DOK1: variants seen among roughly 807,000 people sequenced by gnomAD.
DOK1 encodes docking protein 1.
DOK1 carries 12 observed loss-of-function variants against 24.0 expected under a neutral mutation model. That is an observed-to-expected ratio of 0.50 (90% CI 0.32 to 0.81). The LOEUF (loss-of-function observed/expected upper bound fraction) is 0.81. Ranked by LOEUF, DOK1 falls within the 30% of genes least tolerant of loss-of-function variation. The pLI, the probability that DOK1 is intolerant of heterozygous loss-of-function variation, is 0.03. For missense variants in DOK1, 591 were observed against 620.7 expected, an observed-to-expected ratio of 0.95 and a Z score of 0.51; for synonymous variants, 250 against 260.9, an observed-to-expected ratio of 0.96 and a Z score of 0.40.
Position 74,556,678 on chromosome 2 carries a change from A to G in DOK1, c.1010A>G (p.Tyr337Cys), listed in dbSNP as rs765715876. The change falls in exon 5 of 5, where the codon TAT becomes TGT. Residue 337 changes from tyrosine to cysteine, a missense_variant. By Grantham distance (194) the Tyr-to-Cys change is radical. Coordinates refer to ENST00000233668, the MANE Select transcript of DOK1 (RefSeq NM_001381.5). This position sits in a 1 kb window ranked among gnomAD's most constrained non-coding sequence, Gnocchi z 4.1. ...GEGVQRKKPL[Y>C]WDLYEHAQQQ... ...GGAGTACAACGGAAGAAACCTCTCTATTGGGACTTGTATGAGCATGCGCAG... is the reference window on the plus strand; with the variant it reads ...GGAGTACAACGGAAGAAACCTCTCTGTTGGGACTTGTATGAGCATGCGCAG... The G allele has an allele frequency of 5.0e-6, 8 of 1,614,234 alleles. No homozygotes were observed. The East Asian group carries it at 8.9e-5, about 18-fold the overall frequency.
Position 74,549,168 on chromosome 2 carries a change from T to G in DOK1, c.-362T>G. The stretch of plus-strand genomic sequence containing the variant: ...GAGCGGGAGCCTCGCTGGTCCCCAT[T>G]TCAGGTACTCCCTTGGGGCACCTTT... On this transcript the variant is annotated 5_prime_UTR_variant, in exon 1 of 5. Transcript: ENST00000409429. This position sits in a 1 kb window ranked among gnomAD's most constrained non-coding sequence, Gnocchi z 5.3. 2.1e-6 allele frequency: 1 copy of G among 484,370 alleles called. No individual in the cohort carries two copies. The highest frequency in any genetic ancestry group is 3.4e-6 in the Non-Finnish European group (1 of 291,424). 30.0% of individuals were successfully genotyped at this position (484,370 alleles called of 1,614,324 possible).
In DOK1 at chr2:74,556,153, G is replaced by C. The variant is rs1677448189; in HGVS notation, c.639+75G>C. ...GGTGGGGCAGGACAGAAAGTGGGAA[G>C]CTCTGACCTTTGGATCCCCCTTTCT... On this transcript the variant is annotated intron_variant, in intron 4 of 4. Coordinates refer to ENST00000233668, the MANE Select transcript of DOK1 (RefSeq NM_001381.5). This position sits in a 1 kb window ranked among gnomAD's most constrained non-coding sequence, Gnocchi z 4.1. The C allele has an allele frequency of 2.0e-6, 3 of 1,532,652 alleles. No individual in the cohort carries two copies. The highest frequency in any genetic ancestry group is 4.2e-5 in the Admixed American group (2 of 48,188). 94.9% of individuals were successfully genotyped at this position (1,532,652 alleles called of 1,614,324 possible).
chr2:74,556,449 G>T lies in DOK1; in HGVS notation c.781G>T (p.Gly261Trp). Residue 261 changes from glycine (G) to tryptophan (W), a missense_variant, in exon 5 of 5, where the codon GGG (glycine) becomes TGG (tryptophan). Gly to Trp is a radical substitution (Grantham distance 184). Coordinates refer to ENST00000233668, the MANE Select transcript of DOK1 (RefSeq NM_001381.5). The surrounding 1 kb of genome is among the most constrained non-coding windows in gnomAD (Gnocchi z 4.1). Reference sequence around the variant, plus strand: ...GAAGGCCCAGGGAAAGGCCGGACAGGGGCACGATGTTCTCAGAGCTGACTC... The same window carrying T: ...GAAGGCCCAGGGAAAGGCCGGACAGTGGCACGATGTTCTCAGAGCTGACTC... Reference protein sequence around the residue: ...RQKAQGKAGQGHDVLRADSHE... With the variant: ...RQKAQGKAGQWHDVLRADSHE... 9.3e-6 allele frequency: 15 copies of T among 1,614,164 alleles called. No homozygotes were observed. The highest frequency in any genetic ancestry group is 1.3e-5 in the Non-Finnish European group (15 of 1,180,036).
Position 74,556,059 on chromosome 2 carries a change from G to T in DOK1, c.620G>T (p.Arg207Leu), listed in dbSNP as rs773437205. Residue 207 changes from arginine to leucine, a missense_variant, in exon 4 of 5, where the codon CGT becomes CTT. By Grantham distance (102) the Arg-to-Leu change is moderately radical. Coordinates refer to ENST00000233668, the MANE Select transcript of DOK1 (RefSeq NM_001381.5). This position sits in a 1 kb window ranked among gnomAD's most constrained non-coding sequence, Gnocchi z 4.1. Reference sequence around the variant, plus strand: ...CTGTCCTGGCCCTACACTCTGTTGCGTCGCTATGGCCGGGACAAGGTGCAG... The same window carrying T: ...CTGTCCTGGCCCTACACTCTGTTGCTTCGCTATGGCCGGGACAAGGTGCAG... ...PLLSWPYTLLRRYGRDKVMFS... is the reference protein window; with the variant it reads ...PLLSWPYTLLLRYGRDKVMFS... 6.3e-7 allele frequency: 1 copy of T among 1,599,604 alleles called. No homozygotes were observed. Among genetic ancestry groups the T allele is most frequent in the African/African-American group, 1.3e-5 (1 of 74,608 alleles).
upstream of DOK1, chr2:74,552,817 C>T: frequency 1.6e-6 from 1 of 617,112 alleles, no homozygotes; most frequent in Non-Finnish European, 2.8e-6. Context: ...GAGAGAAACA[C>T]ATTAAATAAG....
In DOK1 at chr2:74,557,363, A is replaced by C; in HGVS notation, c.*249A>C. On this transcript the variant is annotated 3_prime_UTR_variant, in exon 5 of 5. Transcript: ENST00000233668. ...CATCCCTTCCCTACTTCCCCAAATG[A>C]AGGGACGGCTGTGGGACCAGGTCTG... 2.2e-6 allele frequency: 1 copy of C among 448,062 alleles called. No homozygotes were observed. Among genetic ancestry groups the C allele is most frequent in the Non-Finnish European group, 4.0e-6 (1 of 248,468 alleles). The allele number at this position is 448,062 out of a possible 1,614,324, so 27.8% of individuals were successfully genotyped here. A position where few individuals can be genotyped will look rare whatever the true frequency, so the allele number is the denominator to read the frequency against.
rs765150347 is a variant in DOK1 at position 74,556,538 on chromosome 2, C to G, written c.870C>G (p.Asp290Glu). ...CACCTGGCCCCCAAGAGCTCCTCGA[C>G]AGTCCCCCAGCCCTGTATGCTGAGC... ...PSPPGPQELL[D>E]SPPALYAEPL... The change falls in exon 5 of 5, where the codon GAC becomes GAG. Residue 290 changes from aspartate to glutamate, a missense_variant. Physicochemically the swap from Asp to Glu is conservative, Grantham distance 45 (BLOSUM62 2). Coordinates refer to ENST00000233668, the MANE Select transcript of DOK1 (RefSeq NM_001381.5). The surrounding 1 kb of genome is among the most constrained non-coding windows in gnomAD (Gnocchi z 4.1). The G allele has an allele frequency of 6.2e-7, 1 of 1,614,200 alleles. No homozygotes were observed. The highest frequency in any genetic ancestry group is 8.5e-7 in the Non-Finnish European group (1 of 1,180,038).
chr2:74,549,922 G>A (rs970084980), upstream of DOK1: 3 of 985,338 alleles, frequency 3.0e-6, no homozygotes, highest in African/African-American at 5.2e-5. The surrounding 1 kb of genome is among the most constrained non-coding windows in gnomAD (Gnocchi z 5.3). Context: ...GAACATTTGA[G>A]GAGAAGGAGA....
chr2:74,552,436 C>G, upstream of DOK1: 1 of 1,613,894 alleles, frequency 6.2e-7, no homozygotes, highest in Non-Finnish European at 8.5e-7. Flanking sequence ...CAGATGGTGC[C>G]CCATTCACCA....
rs1285411015 is a variant in DOK1 at position 74,549,496 on chromosome 2, C to G, written c.-358+324C>G. 1 of 1,613,694 alleles carries G rather than the reference C, an allele frequency of 6.2e-7. No homozygotes were observed. On this transcript the variant is annotated intron_variant, in intron 1 of 4. Transcript: ENST00000409429. The surrounding 1 kb of genome is among the most constrained non-coding windows in gnomAD (Gnocchi z 5.3). ...CAGCCGTCAGGAAGCCTGACTTCCA[C>G]CAGCCCCTCCGTCACGGGCAGGGGT...
In DOK1 at chr2:74,555,657, C is replaced by A. The variant is rs1260749504; in HGVS notation, c.443C>A (p.Pro148His). 6.2e-7 allele frequency: 1 copy of A among 1,614,046 alleles called. No individual in the cohort carries two copies. Among genetic ancestry groups the A allele is most frequent in the Non-Finnish European group, 8.5e-7 (1 of 1,179,974 alleles). ...LEMLENSLYS[P>H]TWEGSQFWVT... ...ATGCTGGAGAACTCCTTGTACAGCC[C>A]TACCTGGGAAGGTAGACGCCTCAGA... Residue 148 changes from proline to histidine, a missense_variant, in exon 3 of 5, where the codon CCT becomes CAT. Pro to His is a moderately conservative substitution (Grantham distance 77). Transcript: ENST00000233668. This position sits in a 1 kb window ranked among gnomAD's most constrained non-coding sequence, Gnocchi z 6.1.
chr2:74,556,011 AG>A lies in DOK1; in HGVS notation c.573del (p.Ser192ValfsTer109). The A allele has an allele frequency of 6.2e-7, 1 of 1,613,622 alleles. No individual in the cohort carries two copies. The highest frequency in any genetic ancestry group is 8.5e-7 in the Non-Finnish European group (1 of 1,179,746). On this transcript the variant is annotated frameshift_variant, in exon 4 of 5. Transcript: ENST00000233668. LOFTEE classifies it high-confidence loss of function. The surrounding 1 kb of genome is among the most constrained non-coding windows in gnomAD (Gnocchi z 4.1). ...ERLTLLTVGA[Q>X]SQILEPLLSW... Reference sequence around the variant, plus strand: ...CTGACTCTCCTGACCGTGGGGGCCCAGAGTCAGATACTGGAGCCACTCCTGT... The same window carrying A: ...CTGACTCTCCTGACCGTGGGGGCCCAAGTCAGATACTGGAGCCACTCCTGT...
chr2:74,554,782 C>T lies in DOK1; in HGVS notation c.28C>T (p.Leu10Phe). ...GGACGGAGCAGTGATGGAAGGGCCG[C>T]TTTTTTTGCAGAGTCAGCGCTTTGG... MDGAVMEGP[L>F]FLQSQRFGTK... Residue 10 changes from leucine (L) to phenylalanine (F), a missense_variant, in exon 1 of 5, where the codon CTT becomes TTT. Physicochemically the swap from Leu to Phe is conservative, Grantham distance 22. Coordinates refer to ENST00000233668, the MANE Select transcript of DOK1 (RefSeq NM_001381.5). This position sits in a 1 kb window ranked among gnomAD's most constrained non-coding sequence, Gnocchi z 4.9. 6.2e-7 allele frequency: 1 copy of T among 1,614,106 alleles called. No individual in the cohort carries two copies. The highest frequency in any genetic ancestry group is 8.5e-7 in the Non-Finnish European group (1 of 1,180,004).
In DOK1 at chr2:74,555,636, T is replaced by C. The variant is rs373572548; in HGVS notation, c.422T>C (p.Leu141Pro). ...CCTAAGCTTTCTGCCCTGGAGATGC[T>C]GGAGAACTCCTTGTACAGCCCTACC... is the stretch of plus-strand genomic sequence containing the variant. ...NPPKLSALEM[L>P]ENSLYSPTWE... Residue 141 changes from leucine (L) to proline (P), a missense_variant, in exon 3 of 5, where the codon CTG becomes CCG. Physicochemically the swap from Leu to Pro is moderately conservative, Grantham distance 98. Coordinates refer to ENST00000233668, the MANE Select transcript of DOK1 (RefSeq NM_001381.5). This position sits in a 1 kb window ranked among gnomAD's most constrained non-coding sequence, Gnocchi z 6.1. 9.3e-6 allele frequency: 15 copies of C among 1,614,020 alleles called. No homozygotes were observed. In the African/African-American group the frequency reaches 2.0e-4, roughly 22 times the overall value.
In DOK1 at chr2:74,549,239, C is replaced by T; in HGVS notation, c.-358+67C>T. 1.9e-6 allele frequency: 2 copies of T among 1,048,764 alleles called. No homozygotes were observed. Among genetic ancestry groups the T allele is most frequent in the Admixed American group, 6.1e-5 (2 of 32,768 alleles). 65.0% of individuals were successfully genotyped at this position (1,048,764 alleles called of 1,614,324 possible). On this transcript the variant is annotated intron_variant, in intron 1 of 4. Coordinates refer to the DOK1 transcript ENST00000409429. The surrounding 1 kb of genome is among the most constrained non-coding windows in gnomAD (Gnocchi z 5.3). ...CAACTCTCCAGCTTTGCAACGGCCT[C>T]CATATTTTCCCGCGCGTCCCGACCC...
At chr2:74,549,928 G>GGA (rs915903532), upstream of DOK1, 4 of 985,346 alleles carry the variant, frequency 4.1e-6, no homozygotes, top group African/African-American at 7.0e-5. This position sits in a 1 kb window ranked among gnomAD's most constrained non-coding sequence, Gnocchi z 5.3. Context: ...TTGAGGAGAA[G>GGA]GAGAGCACCA....
Position 74,556,335 on chromosome 2 carries a change from C to T in DOK1, c.667C>T (p.Arg223Cys), listed in dbSNP as rs762560981. Residue 223 changes from arginine (R) to cysteine (C), a missense_variant, in exon 5 of 5, where the codon CGC becomes TGC. Arg to Cys is a radical substitution (Grantham distance 180). Coordinates refer to ENST00000233668, the MANE Select transcript of DOK1 (RefSeq NM_001381.5). The surrounding 1 kb of genome is among the most constrained non-coding windows in gnomAD (Gnocchi z 4.1). ...CATGTTCTCTTTCGAGGCCGGCCGC[C>T]GCTGCCCCTCAGGCCCTGGAACCTT... Reference protein sequence around the residue: ...KVMFSFEAGRRCPSGPGTFTF... With the variant: ...KVMFSFEAGRCCPSGPGTFTF... 9.9e-6 allele frequency: 16 copies of T among 1,612,876 alleles called. No individual in the cohort carries two copies. In the Admixed American group the frequency reaches 1.8e-4, roughly 18 times the overall value.
Position 74,554,794 on chromosome 2 carries a change from A to C in DOK1, c.40A>C (p.Ser14Arg), listed in dbSNP as rs773465066. The change falls in exon 1 of 5, where the codon AGT becomes CGT. Residue 14 changes from serine (S) to arginine (R), a missense_variant. Coordinates refer to ENST00000233668, the MANE Select transcript of DOK1 (RefSeq NM_001381.5). This position sits in a 1 kb window ranked among gnomAD's most constrained non-coding sequence, Gnocchi z 4.9. The part of the protein sequence containing the change: ...AVMEGPLFLQ[S>R]QRFGTKRWRK... ...GATGGAAGGGCCGCTTTTTTTGCAG[A>C]GTCAGCGCTTTGGGACCAAGGTAGT... 6.2e-7 allele frequency: 1 copy of C among 1,614,094 alleles called. No homozygotes were observed. Among genetic ancestry groups the C allele is most frequent in the Admixed American group, 1.7e-5 (1 of 60,020 alleles).
upstream of DOK1, chr2:74,554,371 A>G (rs555438261): frequency 2.3e-5 from 5 of 220,030 alleles, no homozygotes; most frequent in Admixed American, 2.8e-4. This position sits in a 1 kb window ranked among gnomAD's most constrained non-coding sequence, Gnocchi z 4.9. Context: ...AAAGCCCCGG[A>G]GGCCCGTGTG....
Sources: allele counts gnomAD v4.1 joint callset, GRCh38; gene constraint gnomAD v4.1.1; non-coding constraint Gnocchi (gnomAD v3.1); transcripts MANE v1.5; gene names NCBI Gene and HGNC (gene_info 2026-07-23, HGNC 2026-07-21).